The following TANC2 variants were observed in gnomAD, a reference collection of about 807,000 sequenced individuals.
TANC2 encodes protein TANC2.
TANC2 carries 26 observed loss-of-function variants against 210.5 expected under a neutral mutation model. That is an observed-to-expected ratio of 0.12 (90% confidence interval 0.09 to 0.17). TANC2 has a LOEUF of 0.17. Among genes scored for constraint, TANC2 ranks in the 10% least tolerant of loss-of-function variants. TANC2 has a pLI of 1.00. For synonymous variants in TANC2, 931 were observed against 967.1 expected (o/e 0.96, Z 0.69); for missense variants, 2,129 against 2,608.9 (o/e 0.82, Z 4.01).
At chr17:63,416,395 C>G (rs1412209519) in intron 26 of TANC2, among the ~76,000 whole-genome samples, 1 of 152,192 alleles carries the variant, frequency 6.6e-6, no homozygotes, top group African/African-American at 2.4e-5. Flanking sequence ...TGACATCTAC[C>G]TGCCTGAGGT....
At chr17:63,395,967 T>C in intron 18 of TANC2, 39 bp downstream of exon 18, 1 of 1,535,898 alleles carries the variant, frequency 6.5e-7, no homozygotes, top group African/African-American at 1.4e-5. Context: ...TCAAGCTCTG[T>C]ATTGAAGGAC....
At chr17:63,061,869 G>T (rs2036010091) in intron 2 of TANC2, among the ~76,000 whole-genome samples, 1 of 151,706 alleles carries the variant, frequency 6.6e-6, no homozygotes, top group Non-Finnish European at 1.5e-5. Context: ...AGATCATTTT[G>T]TTTATTTGAT....
At chr17:63,385,780 A>G (rs979472486) in intron 15 of TANC2, among the ~76,000 whole-genome samples, 2 of 152,230 alleles carry the variant, frequency 1.3e-5, no homozygotes, top group Non-Finnish European at 2.9e-5. Context: ...CTATGTAGAA[A>G]TTAGGTAGCC....
At chr17:63,299,042 G>A (rs902639851) in intron 9 of TANC2, among the ~76,000 whole-genome samples, 4 of 152,088 alleles carry the variant, frequency 2.6e-5, no homozygotes, top group Admixed American at 1.3e-4. Context: ...CTGTTCCTGT[G>A]TTAGTTTACT....
At chr17:63,303,788 T>G in intron 9 of TANC2, among the ~76,000 whole-genome samples, 1 of 152,050 alleles carries the variant, frequency 6.6e-6, no homozygotes. Context: ...GAGGTTTTTT[T>G]GTTCCTTTTC....
chr17:63,126,691 G>A (rs946022259), intron 4 of TANC2, among the ~76,000 whole-genome samples: 1 of 152,098 alleles, frequency 6.6e-6, no homozygotes, highest in Admixed American at 6.5e-5. Context: ...TTACAAGCAT[G>A]AGCCACCATG....
At chr17:63,313,348 G>A (rs1669868164) in intron 9 of TANC2, 1 of 152,218 alleles carries the variant, frequency 6.6e-6, no homozygotes, top group Non-Finnish European at 1.5e-5. Flanking sequence ...TCTTAGAGCT[G>A]CTCTGGGAAC....
intron 2 of TANC2, among the ~76,000 whole-genome samples, chr17:63,032,785 A>G (rs1437137370): frequency 1.3e-5 from 2 of 152,178 alleles, no homozygotes; most frequent in Non-Finnish European, 2.9e-5. Flanking sequence ...CAACTCTTCC[A>G]AAACCAACTG....
chr17:63,297,076 A>T (rs1340775067), intron 9 of TANC2, among the ~76,000 whole-genome samples: 1 of 152,226 alleles, frequency 6.6e-6, no homozygotes, highest in East Asian at 1.9e-4. Context: ...ATCAGCTCAC[A>T]AAAAGCAGTT....
chr17:63,314,819 T>G (rs1163598925), intron 10 of TANC2, 150 bp downstream of exon 10: 4 of 1,043,326 alleles, frequency 3.8e-6, no homozygotes, highest in Non-Finnish European at 5.5e-6. Context: ...AGAAAGATTG[T>G]AATACTCTAT....
chr17:62,982,351 T>C (rs533370319), intron 1 of TANC2, among the ~76,000 whole-genome samples: 1 of 152,308 alleles, frequency 6.6e-6, no homozygotes, highest in East Asian at 1.9e-4. Context: ...ATTCCCCCTT[T>C]ATACTTAAAA....
intron 2 of TANC2, among the ~76,000 whole-genome samples, chr17:63,064,232 A>T (rs1432926918): frequency 3.3e-5 from 5 of 152,116 alleles, no homozygotes; most frequent in Admixed American, 2.6e-4. Context: ...AGGCGAAAGG[A>T]TTGCTTGAGC....
exon 28 of TANC2, chr17:63,425,850 CCTT>C (rs1367281903): frequency 6.6e-6 from 1 of 152,248 alleles, no homozygotes; most frequent in Admixed American, 6.5e-5. Flanking sequence ...TGGAGAAGCC[CCTT>C]CTTCCCCATG....
intron 2 of TANC2, among the ~76,000 whole-genome samples, chr17:63,068,219 T>A (rs1179579112): frequency 6.6e-6 from 1 of 152,068 alleles, no homozygotes; most frequent in Non-Finnish European, 1.5e-5. Flanking sequence ...AAACATATGC[T>A]CAGCTTCATT....
intron 2 of TANC2, among the ~76,000 whole-genome samples, chr17:63,073,054 G>A (rs1365747145): frequency 6.6e-6 from 1 of 152,082 alleles, no homozygotes; most frequent in African/African-American, 2.4e-5. Context: ...AATAAGACAA[G>A]TGATTGTATG....
chr17:62,988,704 T>C (rs2032702900), intron 1 of TANC2, among the ~76,000 whole-genome samples: 1 of 152,188 alleles, frequency 6.6e-6, no homozygotes, highest in South Asian at 2.1e-4. Context: ...GCAATTTTTT[T>C]AGTGTTATAC....
intron 14 of TANC2, among the ~76,000 whole-genome samples, chr17:63,359,348 A>ATT (rs750516556): frequency 2.7e-4 from 36 of 134,840 alleles, no homozygotes; most frequent in African/African-American, 7.8e-4. Context: ...CTGCACCAGC[A>ATT]TTTTTTTTTT....
At chr17:63,085,242 T>C (rs1182174998) in intron 3 of TANC2, among the ~76,000 whole-genome samples, 2 of 152,206 alleles carry the variant, frequency 1.3e-5, no homozygotes, top group Non-Finnish European at 1.5e-5. Context: ...AACACATTAG[T>C]TGGGTCTGTT....
In TANC2 at chr17:63,257,060, G is replaced by C. The variant is rs558131506; in HGVS notation, c.1034-10688G>C. 4.2e-5 allele frequency among the ~76,000 whole-genome samples: 6 copies of C among 141,874 alleles called. No homozygotes were observed. The South Asian group carries it at 1.1e-3, about 26-fold the overall frequency. 93.1% of individuals were successfully genotyped at this position (141,874 alleles called of 152,430 possible). ...ATAATTGGGTCTTGTTTTTTGTTTG[G>C]TTGGTTGGTTGGTATTTTTTTTTTT... On this transcript the variant is annotated intron_variant, in intron 8 of 27. Coordinates refer to ENST00000689528, the Ensembl canonical transcript of TANC2.
Sources: gnomAD v4.1 joint callset for allele counts (sites outside exome capture counted in the v4.1 genomes callset) on GRCh38, gnomAD v4.1.1 for gene constraint, MANE v1.5 for transcripts, NCBI Gene and HGNC (gene_info 2026-07-23, HGNC 2026-07-21) for gene names.